The following CMTM8 variants were observed in gnomAD, a reference collection of about 807,000 sequenced individuals.
CMTM8 encodes CKLF-like MARVEL transmembrane domain-containing protein 8.
In CMTM8, 12 loss-of-function variants were observed where a neutral mutation model predicts 18.6. That is an observed-to-expected ratio of 0.65 (90% CI 0.41 to 1.05). The LOEUF (loss-of-function observed/expected upper bound fraction) is 1.05. Among genes scored for constraint, CMTM8 ranks in the 50% least tolerant of loss-of-function variants. The pLI is 0.00. For missense variants in CMTM8, 217 were observed against 227.2 expected (o/e 0.95, Z 0.29); for synonymous variants, 87 against 90.6 (o/e 0.96, Z 0.23).
chr3:32,247,086 G>A (rs1050554364), intron 1 of CMTM8, among the ~76,000 whole-genome samples: 2 of 152,160 alleles, frequency 1.3e-5, no homozygotes, highest in Non-Finnish European at 2.9e-5. Flanking sequence ...GCGTGACAGA[G>A]TGAGACTATG....
In CMTM8 at chr3:32,251,792, T is replaced by C. The variant is rs116016602; in HGVS notation, c.147+12673T>C. Among the ~76,000 whole-genome samples, 772 of 151,408 alleles carry C rather than the reference T, an allele frequency of 5.1e-3. 2 individuals carry two copies. The highest frequency in any genetic ancestry group is 0.018 in the African/African-American group (730 of 41,420). ...AAATATAGGGGAATTTTTTTTTTTT[T>C]AATATTTACTTTTTTGGTTGGGTGT... On this transcript the variant is annotated intron_variant, in intron 1 of 3. Transcript: ENST00000307526.
chr3:32,273,483 A>C (rs1702472856), intron 1 of CMTM8, among the ~76,000 whole-genome samples: 1 of 152,262 alleles, frequency 6.6e-6, no homozygotes, highest in African/African-American at 2.4e-5. Flanking sequence ...GAATACCCGT[A>C]CAATGGAAAC....
At chr3:32,365,092 C>A (rs3853715) in intron 2 of CMTM8, among the ~76,000 whole-genome samples, 25,283 of 152,098 alleles carry the variant, frequency 0.17, 2,393 homozygotes, top group South Asian at 0.28. Flanking sequence ...TCCCTGTCAC[C>A]CCGAGGCTGC....
At chr3:32,280,360 G>A (rs936906652) in intron 1 of CMTM8, among the ~76,000 whole-genome samples, 3 of 152,138 alleles carry the variant, frequency 2.0e-5, no homozygotes, top group Non-Finnish European at 1.5e-5. Flanking sequence ...AAAATGGAAA[G>A]TACTCTGATT....
intron 1 of CMTM8, among the ~76,000 whole-genome samples, chr3:32,325,318 A>G (rs1041954116): frequency 6.6e-6 from 1 of 152,196 alleles, no homozygotes; most frequent in African/African-American, 2.4e-5. Context: ...TACAGGGGGG[A>G]AAGTTCCAAT....
At position 32,362,950 on chromosome 3, in the gene CMTM8, C is replaced by T. The variant is rs541134226; in HGVS notation, c.322-4922C>T. Among the ~76,000 whole-genome samples the T allele has an allele frequency of 1.7e-3, 258 of 152,316 alleles. 4 individuals are homozygous for T. The highest frequency in any genetic ancestry group is 0.016 in the South Asian group (75 of 4,828). On this transcript the variant is annotated intron_variant, in intron 2 of 3. Transcript: ENST00000307526. The stretch of plus-strand genomic sequence containing the variant: ...AGTCAATCCAAATGCCTTAGCCTGA[C>T]GGGCACAGTCAATTTCTAAATGACT...
chr3:32,251,652 T>G (rs970271009), intron 1 of CMTM8, among the ~76,000 whole-genome samples: 2 of 152,152 alleles, frequency 1.3e-5, no homozygotes, highest in Non-Finnish European at 2.9e-5. Flanking sequence ...GCCACTTTTT[T>G]TGTCAGAAAT....
chr3:32,258,933 G>T, intron 1 of CMTM8: 1 of 312,344 alleles, frequency 3.2e-6, no homozygotes, highest in Non-Finnish European at 6.2e-6. Flanking sequence ...CACTGCCCCC[G>T]GACAGCGTGA....
chr3:32,242,350 C>T (rs1701954140), intron 1 of CMTM8, among the ~76,000 whole-genome samples: 2 of 152,184 alleles, frequency 1.3e-5, no homozygotes, highest in African/African-American at 4.8e-5. Context: ...TTGTTTGAGA[C>T]AGTGTCTTAC....
intron 1 of CMTM8, among the ~76,000 whole-genome samples, chr3:32,324,140 A>C (rs957398459): frequency 6.6e-6 from 1 of 152,082 alleles, no homozygotes; most frequent in East Asian, 1.9e-4. Context: ...CCCCTTTGTT[A>C]ATTTCCATGT....
chr3:32,338,835 C>A (rs1177406724), intron 1 of CMTM8, among the ~76,000 whole-genome samples: 1 of 152,346 alleles, frequency 6.6e-6, no homozygotes, highest in Middle Eastern at 3.4e-3. Flanking sequence ...AGTTCTGGCT[C>A]AGGTGTTTTC....
At chr3:32,333,912 T>C (rs544127851) in intron 1 of CMTM8, among the ~76,000 whole-genome samples, 4 of 152,110 alleles carry the variant, frequency 2.6e-5, no homozygotes, top group Non-Finnish European at 5.9e-5. Flanking sequence ...ATATAAATTA[T>C]AGGGGAGCTC....
At chr3:32,259,456 C>T in intron 1 of CMTM8, 1 of 785,670 alleles carries the variant, frequency 1.3e-6, no homozygotes. Context: ...CAGAACTGGC[C>T]ATGTGCCAGT....
intron 1 of CMTM8, among the ~76,000 whole-genome samples, chr3:32,262,300 C>T (rs888195403): frequency 6.6e-6 from 1 of 152,184 alleles, no homozygotes; most frequent in African/African-American, 2.4e-5. Context: ...AAAGCATGTC[C>T]TTTGGGCCAT....
chr3:32,242,653 A>T (rs1701958394), intron 1 of CMTM8, among the ~76,000 whole-genome samples: 1 of 152,136 alleles, frequency 6.6e-6, no homozygotes, highest in African/African-American at 2.4e-5. Context: ...TCAATTATTT[A>T]TCTCCCTCTA....
At chr3:32,239,999 C>T (rs1347846994) in intron 1 of CMTM8, among the ~76,000 whole-genome samples, 6 of 152,240 alleles carry the variant, frequency 3.9e-5, no homozygotes, top group Non-Finnish European at 7.3e-5. Flanking sequence ...TCTGCAGGGC[C>T]GTGCTCATAA....
intron 1 of CMTM8, among the ~76,000 whole-genome samples, chr3:32,340,963 T>C (rs941980147): frequency 2.0e-5 from 3 of 152,256 alleles, no homozygotes; most frequent in Admixed American, 6.5e-5. Flanking sequence ...TGTCAAACTC[T>C]GTAATATATC....
chr3:32,240,552 T>C (rs4504192), intron 1 of CMTM8, among the ~76,000 whole-genome samples: 81,619 of 151,990 alleles, frequency 0.54, 22,440 homozygotes, highest in Non-Finnish European at 0.6. Flanking sequence ...TGGGTTTTTT[T>C]CTGATTTATT....
intron 1 of CMTM8, among the ~76,000 whole-genome samples, chr3:32,289,494 G>A (rs904801458): frequency 6.6e-6 from 1 of 152,178 alleles, no homozygotes; most frequent in Non-Finnish European, 1.5e-5. Flanking sequence ...TTGAAGGATG[G>A]ATAGTAGAAA....
Sources: gnomAD v4.1 joint callset for allele counts (sites outside exome capture counted in the v4.1 genomes callset) on GRCh38, gnomAD v4.1.1 for gene constraint, MANE v1.5 for transcripts, NCBI Gene and HGNC (gene_info 2026-07-23, HGNC 2026-07-21) for gene names.